Variants in NDRG4 observed in about 807,000 individuals in gnomAD.
The protein encoded by NDRG4 is protein NDRG4.
Under a neutral mutation model 55.8 loss-of-function variants are expected in NDRG4, and 38 were observed. The observed-to-expected ratio is 0.68, with a 90% CI of 0.53 to 0.89. The LOEUF (loss-of-function observed/expected upper bound fraction) is 0.89. Ranked by LOEUF, NDRG4 falls within the 40% of genes least tolerant of loss-of-function variation. NDRG4 has a pLI of 0.00. For missense variants in NDRG4, 455 were observed against 468.6 expected (o/e 0.97, Z 0.27); for synonymous variants, 190 against 182.7 (o/e 1.04, Z -0.32).
At position 58,500,164 on chromosome 16, in the gene NDRG4, T is replaced by C. The variant is rs574456753; in HGVS notation, c.-85T>C. 2.0e-5 allele frequency: 31 copies of C among 1,535,632 alleles called. No individual in the cohort carries two copies. In the Admixed American group the frequency reaches 4.5e-4, roughly 22 times the overall value. On this transcript the variant is annotated 5_prime_UTR_variant, in exon 1 of 15. Coordinates refer to ENST00000570248, the MANE Select transcript of NDRG4 (RefSeq NM_001242835.2). Reference sequence around the variant, plus strand: ...CATCACAGAGCCGACCATCTCCCACTCGAGCTGCCCCCGCCCTCTGGACCC... The same window carrying C: ...CATCACAGAGCCGACCATCTCCCACCCGAGCTGCCCCCGCCCTCTGGACCC...
At chr16:58,507,059 G>A (rs1346254377) in intron 8 of NDRG4, 44 bp downstream of exon 8, 1 of 1,492,854 alleles carries the variant, frequency 6.7e-7, no homozygotes, top group East Asian at 2.3e-5. Flanking sequence ...ACACCCCAGT[G>A]GGGGCCCTTG....
Position 58,509,363 on chromosome 16 carries a change from T to A in NDRG4, c.865+11T>A. 6.2e-7 allele frequency: 1 copy of A among 1,612,988 alleles called. No homozygotes were observed. The highest frequency in any genetic ancestry group is 8.5e-7 in the Non-Finnish European group (1 of 1,179,840). ...AAGGCATGGGCTACAGTGAGTACATTTCCACCCCACCCCACACCACCTAGA... is the reference window on the plus strand; with the variant it reads ...AAGGCATGGGCTACAGTGAGTACATATCCACCCCACCCCACACCACCTAGA... On this transcript the variant is annotated intron_variant, in intron 13 of 14. Coordinates refer to ENST00000570248, the MANE Select transcript of NDRG4 (RefSeq NM_001242835.2).
Position 58,506,634 on chromosome 16 carries a change from C to T in NDRG4, c.516+20C>T. 1 of 1,545,612 alleles carries T rather than the reference C, an allele frequency of 6.5e-7. No homozygotes were observed. The highest frequency in any genetic ancestry group is 8.7e-7 in the Non-Finnish European group (1 of 1,146,668). On this transcript the variant is annotated intron_variant, in intron 7 of 14. Coordinates refer to ENST00000570248, the MANE Select transcript of NDRG4 (RefSeq NM_001242835.2). ...AGCCAGGTAAGGGGGGGAACTTCTG[C>T]AGATCTGGGGTGATCTGGGATTTGC...
chr16:58,498,809 G>A (rs1193300767), upstream of NDRG4, among the ~76,000 whole-genome samples: 1 of 152,150 alleles, frequency 6.6e-6, no homozygotes, highest in Non-Finnish European at 1.5e-5. Context: ...AGTTATCGTG[G>A]CCAGACAAGG....
chr16:58,465,223 A>G, intron 1 of NDRG4: 1 of 712,458 alleles, frequency 1.4e-6, no homozygotes, highest in Non-Finnish European at 2.2e-6. Flanking sequence ...ATGTCAGATG[A>G]GCACAGATTC....
intron 1 of NDRG4, among the ~76,000 whole-genome samples, chr16:58,471,900 TGA>T (rs1017869991): frequency 2.2e-4 from 33 of 152,038 alleles, no homozygotes; most frequent in Middle Eastern, 3.4e-3. Flanking sequence ...TGTGTGTGTG[TGA>T]GAGAGAGCAG....
chr16:58,487,989 G>C (rs2035315284), intron 2 of NDRG4: 1 of 603,850 alleles, frequency 1.7e-6, no homozygotes. Flanking sequence ...CCTGTGGGGG[G>C]AGTTCCGGCA....
chr16:58,503,856 A>T lies in NDRG4; in HGVS notation c.80A>T (p.Lys27Met), dbSNP rs527321934. The stretch of plus-strand genomic sequence containing the variant: ...CATGTAGTGATCCGGGGCTCCCCCA[A>T]GGGGAACCGCCCAGCCATCCTCACC... ...LLHVVIRGSP[K>M]GNRPAILTYH... The change falls in exon 2 of 15, where the codon AAG becomes ATG. Residue 27 changes from lysine (K) to methionine (M), a missense_variant. By Grantham distance (95) the Lys-to-Met change is moderately conservative. Coordinates refer to ENST00000570248, the MANE Select transcript of NDRG4 (RefSeq NM_001242835.2). 1 of 1,613,916 alleles carries T rather than the reference A, an allele frequency of 6.2e-7. No homozygotes were observed. Among genetic ancestry groups the T allele is most frequent in the East Asian group, 2.2e-5 (1 of 44,860 alleles).
intron 1 of NDRG4, among the ~76,000 whole-genome samples, chr16:58,485,325 T>C (rs913900223): frequency 1.1e-4 from 17 of 152,176 alleles, no homozygotes; most frequent in African/African-American, 4.1e-4. Context: ...GTTCTCTGGA[T>C]GATGAGGTCT....
intron 8 of NDRG4, 59 bp from the exon 9 acceptor site, chr16:58,507,749 G>C (rs1597333943): frequency 6.5e-7 from 1 of 1,532,824 alleles, no homozygotes; most frequent in Non-Finnish European, 9.0e-7. Context: ...GGCTTGGGAT[G>C]CCCCTCATCC....
At chr16:58,476,914 A>G (rs2033726128) in intron 1 of NDRG4, among the ~76,000 whole-genome samples, 2 of 152,296 alleles carry the variant, frequency 1.3e-5, no homozygotes, top group South Asian at 2.1e-4. Flanking sequence ...CCTGAATGAC[A>G]GGAACTCATC....
intron 1 of NDRG4, among the ~76,000 whole-genome samples, chr16:58,479,352 A>G (rs2034120039): frequency 6.6e-6 from 1 of 152,108 alleles, no homozygotes. Flanking sequence ...TTATTTCACC[A>G]TCCTCCTGGT....
At chr16:58,497,229 G>A (rs1223116316), upstream of NDRG4, among the ~76,000 whole-genome samples, 4 of 152,158 alleles carry the variant, frequency 2.6e-5, no homozygotes, top group Non-Finnish European at 4.4e-5. Context: ...GGCTGAGGCA[G>A]GAGAATGGCT....
intron 1 of NDRG4, among the ~76,000 whole-genome samples, chr16:58,487,213 G>A (rs901451932): frequency 2.0e-5 from 3 of 152,168 alleles, no homozygotes; most frequent in Non-Finnish European, 2.9e-5. Flanking sequence ...ATTTGGAAAC[G>A]TTTTAATTTT....
At chr16:58,500,326 A>C (rs2036915177) in intron 1 of NDRG4, 57 bp downstream of exon 1, 1 of 1,526,660 alleles carries the variant, frequency 6.6e-7, no homozygotes, top group African/African-American at 1.4e-5. Context: ...CATCCTTATG[A>C]CCCACCGCAG....
upstream of NDRG4, among the ~76,000 whole-genome samples, chr16:58,495,164 G>A (rs991555837): frequency 2.0e-5 from 3 of 152,214 alleles, no homozygotes; most frequent in Non-Finnish European, 2.9e-5. Context: ...CTGCTTCTGC[G>A]AGCAGCAGGG....
chr16:58,511,885 T>G lies in NDRG4; in HGVS notation c.*309T>G. 2.2e-6 allele frequency: 1 copy of G among 453,982 alleles called. No homozygotes were observed. Among genetic ancestry groups the G allele is most frequent in the Non-Finnish European group, 4.2e-6 (1 of 235,870 alleles). The allele number at this position is 453,982 out of a possible 1,614,324, so 28.1% of individuals were successfully genotyped here. On this transcript the variant is annotated 3_prime_UTR_variant, in exon 15 of 15. Transcript: ENST00000570248. ...GAGATTCGCTACGGATCCAGGCCAT[T>G]CCTGGGTGAGCCCTTGGGCAGGCAT...
chr16:58,492,489 C>CGTGT (rs58901035), intron 2 of NDRG4, among the ~76,000 whole-genome samples: 36 of 124,040 alleles, frequency 2.9e-4, no homozygotes, highest in South Asian at 1.1e-3. Flanking sequence ...TCTGCTCCAC[C>CGTGT]GTGTGTGTGT....
intron 1 of NDRG4, among the ~76,000 whole-genome samples, chr16:58,484,170 G>T (rs1291448089): frequency 6.6e-6 from 1 of 152,106 alleles, no homozygotes; most frequent in Non-Finnish European, 1.5e-5. Context: ...AAGAGTTCAA[G>T]ACCAACCTGA....
Sources: gnomAD v4.1 joint callset for allele counts (sites outside exome capture counted in the v4.1 genomes callset) on GRCh38, gnomAD v4.1.1 for gene constraint, MANE v1.5 for transcripts, NCBI Gene and HGNC (gene_info 2026-07-23, HGNC 2026-07-21) for gene names.